Variants in SGCD observed in about 807,000 individuals in gnomAD.
SGCD encodes delta-sarcoglycan.
Under a neutral mutation model 36.6 loss-of-function variants are expected in SGCD, and 18 were observed. That is an observed-to-expected ratio of 0.49 (90% confidence interval 0.34 to 0.73). The LOEUF is 0.73. Ranked by LOEUF, SGCD falls within the 30% of genes least tolerant of loss-of-function variation. The pLI is 0.01. For missense variants in SGCD, 387 were observed against 346.7 expected (o/e 1.12, Z -0.92); for synonymous variants, 133 against 130.6 (o/e 1.02, Z -0.12).
the SGCD span, among the ~76,000 whole-genome samples, chr5:155,810,974 T>C: frequency 0.75 from 102,909 of 137,214 alleles, 38,921 homozygotes; most frequent in East Asian, 0.91. Context: ...CCCGCCACTA[T>C]GCCCGGCTAA....
the SGCD span, among the ~76,000 whole-genome samples, chr5:155,829,077 C>T: frequency 1.4e-4 from 21 of 151,850 alleles, no homozygotes; most frequent in East Asian, 1.2e-3. Context: ...TTATATGCCA[C>T]GAGAAGGCAG....
chr5:156,573,838 C>A (rs1759819077), intron 4 of SGCD, among the ~76,000 whole-genome samples: 2 of 152,048 alleles, frequency 1.3e-5, no homozygotes, highest in Admixed American at 1.3e-4. Context: ...GGACTATAAG[C>A]ACATGTCACC....
At chr5:156,661,880 C>T (rs1371404969) in intron 7 of SGCD, among the ~76,000 whole-genome samples, 1 of 151,958 alleles carries the variant, frequency 6.6e-6, no homozygotes, top group South Asian at 2.1e-4. Context: ...CTATTTGATC[C>T]AAGTACAATG....
At chr5:156,388,548 G>A (rs1035823035) in intron 3 of SGCD, among the ~76,000 whole-genome samples, 3 of 152,134 alleles carry the variant, frequency 2.0e-5, no homozygotes, top group African/African-American at 7.2e-5. Flanking sequence ...ACTGATTGCT[G>A]TTTCTCCTAG....
chr5:156,589,549 A>T lies in SGCD; in HGVS notation c.382+231A>T, dbSNP rs183151754. On this transcript the variant is annotated intron_variant, in intron 5 of 8. Transcript: ENST00000337851. Reference sequence around the variant, plus strand: ...CCTACTTAGTGGGGTAAGAAAAAAAATTTTTCTAAGCAGATTTTCATAGAA... The same window carrying T: ...CCTACTTAGTGGGGTAAGAAAAAAATTTTTTCTAAGCAGATTTTCATAGAA... Among the ~76,000 whole-genome samples, 52 of 152,276 alleles carry T rather than the reference A, an allele frequency of 3.4e-4. 1 individual carries two copies. The East Asian group carries it at 7.9e-3, about 23-fold the overall frequency.
the SGCD span, among the ~76,000 whole-genome samples, chr5:155,762,841 TG>T: frequency 1.5e-4 from 23 of 152,202 alleles, no homozygotes; most frequent in African/African-American, 4.6e-4. Flanking sequence ...TTATTTCTTG[TG>T]TTTCTAACCT....
chr5:156,563,619 A>C (rs1021554912), intron 4 of SGCD, among the ~76,000 whole-genome samples: 4 of 152,274 alleles, frequency 2.6e-5, no homozygotes, highest in African/African-American at 9.6e-5. Flanking sequence ...TGCCATACTT[A>C]GTCTCTTTCC....
At chr5:156,117,259 C>T (rs1323722121) in intron 1 of SGCD, among the ~76,000 whole-genome samples, 1 of 151,776 alleles carries the variant, frequency 6.6e-6, no homozygotes, top group African/African-American at 2.4e-5. Context: ...TTTTTTTCAT[C>T]CTCCTAAAAC....
intron 3 of SGCD, among the ~76,000 whole-genome samples, chr5:156,157,378 A>G (rs1762987907): frequency 6.6e-6 from 1 of 151,724 alleles, no homozygotes; most frequent in African/African-American, 2.4e-5. Context: ...GTAGTTAGGA[A>G]TAAACAGAGC....
intron 3 of SGCD, among the ~76,000 whole-genome samples, chr5:156,139,084 G>A (rs982790040): frequency 9.9e-5 from 15 of 152,044 alleles, no homozygotes; most frequent in African/African-American, 3.6e-4. Context: ...ATAGTTCTAT[G>A]TCATTTATAT....
chr5:156,656,060 G>A (rs563506065), intron 7 of SGCD, among the ~76,000 whole-genome samples: 165 of 151,982 alleles, frequency 1.1e-3, no homozygotes, highest in Non-Finnish European at 1.4e-3. Flanking sequence ...TACATGCCAC[G>A]GCAAATGTTA....
intron 1 of SGCD, among the ~76,000 whole-genome samples, chr5:155,987,340 A>G (rs999222042): frequency 6.6e-6 from 1 of 151,832 alleles, no homozygotes; most frequent in Non-Finnish European, 1.5e-5. Context: ...TCATCTTTCT[A>G]CCTCCAAAAT....
the SGCD span, among the ~76,000 whole-genome samples, chr5:155,772,535 G>A: frequency 1.3e-5 from 2 of 152,104 alleles, no homozygotes; most frequent in Non-Finnish European, 2.9e-5. Context: ...TTTTGACCAC[G>A]TAGTGTTTTA....
At chr5:156,172,952 G>C (rs928358514) in intron 3 of SGCD, among the ~76,000 whole-genome samples, 19 of 151,950 alleles carry the variant, frequency 1.3e-4, no homozygotes, top group African/African-American at 4.6e-4. Context: ...AGTTTGGTTT[G>C]TAAGAGTAAA....
At chr5:156,719,493 T>C (rs1427345135) in intron 7 of SGCD, among the ~76,000 whole-genome samples, 2 of 152,094 alleles carry the variant, frequency 1.3e-5, no homozygotes, top group Non-Finnish European at 2.9e-5. Context: ...TAATTAACCA[T>C]TAGAGATTGT....
intron 3 of SGCD, among the ~76,000 whole-genome samples, chr5:156,141,474 C>T (rs113835132): frequency 5.9e-5 from 9 of 152,340 alleles, no homozygotes; most frequent in African/African-American, 1.2e-4. Flanking sequence ...GCCTTGAAGG[C>T]CCAACCCTTA....
At chr5:156,516,946 C>T (rs577852298) in intron 4 of SGCD, among the ~76,000 whole-genome samples, 38 of 152,116 alleles carry the variant, frequency 2.5e-4, no homozygotes, top group South Asian at 1.5e-3. Context: ...TGCAGTCAGC[C>T]GAGCTCACAC....
At chr5:156,225,384 T>C (rs1764825208) in intron 3 of SGCD, among the ~76,000 whole-genome samples, 1 of 152,144 alleles carries the variant, frequency 6.6e-6, no homozygotes, top group Non-Finnish European at 1.5e-5. Context: ...CACAAAACTT[T>C]TATGAGCACA....
At chr5:156,481,849 G>A (rs1327754778) in intron 3 of SGCD, among the ~76,000 whole-genome samples, 2 of 152,158 alleles carry the variant, frequency 1.3e-5, no homozygotes, top group African/African-American at 2.4e-5. Flanking sequence ...TCTACTCCCT[G>A]TGGCCTCTGT....
Sources: allele counts gnomAD v4.1 joint callset (sites outside exome capture counted in the v4.1 genomes callset), GRCh38; gene constraint gnomAD v4.1.1; transcripts MANE v1.5; gene names NCBI Gene and HGNC (gene_info 2026-07-23, HGNC 2026-07-21).